Variants in CFAP57 observed in about 807,000 individuals in gnomAD.
The protein encoded by CFAP57 is cilia and flagella associated protein 57.
Under a neutral mutation model 146.8 loss-of-function variants are expected in CFAP57, and 116 were observed. The observed-to-expected ratio is 0.79, with a 90% CI of 0.68 to 0.92. The LOEUF (loss-of-function observed/expected upper bound fraction) is 0.92. Among genes scored for constraint, CFAP57 ranks in the 40% least tolerant of loss-of-function variants. CFAP57 has a pLI of 0.00. For synonymous variants in CFAP57, 518 were observed against 552.8 expected, an observed-to-expected ratio of 0.94 and a Z score of 0.88; for missense variants, 1,377 against 1,527.2, an observed-to-expected ratio of 0.90 and a Z score of 1.64.
At chr1:43,227,709 GC>G (rs1171072500) in intron 18 of CFAP57, among the ~76,000 whole-genome samples, 7 of 152,160 alleles carry the variant, frequency 4.6e-5, no homozygotes, top group South Asian at 4.1e-4. Context: ...GGTCCCCCAT[GC>G]CCCCCACCAC....
chr1:43,181,539 G>A lies in CFAP57; in HGVS notation c.163G>A (p.Glu55Lys). 6.2e-7 allele frequency: 1 copy of A among 1,614,160 alleles called. No individual in the cohort carries two copies. Among genetic ancestry groups the A allele is most frequent in the Non-Finnish European group, 8.5e-7 (1 of 1,180,042 alleles). The change falls in exon 3 of 23, where the codon GAG (glutamate) becomes AAG (lysine). Residue 55 changes from glutamate (E) to lysine (K), a missense_variant. Transcript: ENST00000372492. Reference sequence around the variant, plus strand: ...CCTTTTTCCTCTGTTTGCAGGCTCAGAGAAGAGTCAGGGCATGTTGGCCTT... The same window carrying A: ...CCTTTTTCCTCTGTTTGCAGGCTCAAAGAAGAGTCAGGGCATGTTGGCCTT... ...QKWQKFIPGS[E>K]KSQGMLALSI...
Position 43,221,352 on chromosome 1 carries a change from G to A in CFAP57, c.2248-20G>A, listed in dbSNP as rs1217890571. Reference sequence around the variant, plus strand: ...CTTTCAGCAGATGTGTGTAAATGAGGAAATGTGACTCTGTTTTAGGTCTTA... The same window carrying A: ...CTTTCAGCAGATGTGTGTAAATGAGAAAATGTGACTCTGTTTTAGGTCTTA... On this transcript the variant is annotated intron_variant, in intron 13 of 22. Coordinates refer to ENST00000372492, the MANE Select transcript of CFAP57 (RefSeq NM_001378189.1). 9 of 1,522,126 alleles carry A rather than the reference G, an allele frequency of 5.9e-6. No homozygotes were observed. Among genetic ancestry groups the A allele is most frequent in the Non-Finnish European group, 7.1e-6 (8 of 1,130,424 alleles). The allele number at this position is 1,522,126 out of a possible 1,614,324, so 94.3% of individuals were successfully genotyped here.
At chr1:43,182,921 C>T (rs1645475026) in intron 3 of CFAP57, among the ~76,000 whole-genome samples, 1 of 152,192 alleles carries the variant, frequency 6.6e-6, no homozygotes, top group Non-Finnish European at 1.5e-5. Context: ...TTCGTCTTTA[C>T]AATGGTACAA....
intron 16 of CFAP57, among the ~76,000 whole-genome samples, chr1:43,223,344 T>A (rs1306348685): frequency 2.0e-5 from 3 of 151,934 alleles, no homozygotes; most frequent in Non-Finnish European, 4.4e-5. Flanking sequence ...GGAAATAAGG[T>A]CTTCTGGGGA....
rs1280080050 is a variant in CFAP57, at chr1:43,226,152, G to A, written c.2866-831G>A. ...CGTGCCACTGCGCTCTAGCCTGGGT[G>A]ACAAAGTGAGACCCATCTCAAAAAG... On this transcript the variant is annotated intron_variant, in intron 17 of 22. Transcript: ENST00000372492. Among the ~76,000 whole-genome samples the A allele has an allele frequency of 2.6e-5, 4 of 152,204 alleles. No homozygotes were observed. In the South Asian group the frequency reaches 8.3e-4, roughly 32 times the overall value.
At chr1:43,222,070 C>G in intron 14 of CFAP57, 35 bp from the exon 15 acceptor site, 1 of 1,516,246 alleles carries the variant, frequency 6.6e-7, no homozygotes. Context: ...AAGTGCTGCT[C>G]TCCCACCTTA....
rs72891667 is a variant in CFAP57, at chr1:43,221,499, G to A, written c.2341+34G>A. ...ACAAGTAGAGGCCTCGTTGGTTAGG[G>A]TTGGAAGAGCTAGGTTATGGGGAAA... On this transcript the variant is annotated intron_variant, in intron 14 of 22. Coordinates refer to ENST00000372492, the MANE Select transcript of CFAP57 (RefSeq NM_001378189.1). The A allele has an allele frequency of 4.7e-4, 665 of 1,425,530 alleles. 3 individuals are homozygous for A. In the African/African-American group the frequency reaches 8.6e-3, roughly 19 times the overall value. The allele number at this position is 1,425,530 out of a possible 1,614,324, so 88.3% of individuals were successfully genotyped here. A position where few individuals can be genotyped will look rare whatever the true frequency, so the allele number is the denominator to read the frequency against.
chr1:43,245,643 A>T (rs984441165), intron 22 of CFAP57, among the ~76,000 whole-genome samples: 1 of 152,208 alleles, frequency 6.6e-6, no homozygotes, highest in African/African-American at 2.4e-5. Context: ...TCAGAAGCAG[A>T]TATCTCTGGA....
intron 18 of CFAP57, among the ~76,000 whole-genome samples, chr1:43,227,351 C>T (rs1645286972): frequency 6.6e-6 from 1 of 152,224 alleles, no homozygotes; most frequent in Non-Finnish European, 1.5e-5. Flanking sequence ...TGCCACGGGA[C>T]CTGGAGATGG....
At chr1:43,215,471 A>C in intron 12 of CFAP57, 55 bp downstream of exon 12, 1 of 1,521,856 alleles carries the variant, frequency 6.6e-7, no homozygotes, top group Non-Finnish European at 8.9e-7. Context: ...GACTGCATTC[A>C]GATGCAGGTC....
chr1:43,209,843 G>T lies in CFAP57; in HGVS notation c.1856G>T (p.Arg619Leu). 1 of 1,614,134 alleles carries T rather than the reference G, an allele frequency of 6.2e-7. No individual in the cohort carries two copies. The highest frequency in any genetic ancestry group is 8.5e-7 in the Non-Finnish European group (1 of 1,180,034). The change falls in exon 11 of 23, where the codon CGT (arginine) becomes CTT (leucine). Residue 619 changes from arginine (R) to leucine (L), a missense_variant. By Grantham distance (102) the Arg-to-Leu change is moderately radical. Coordinates refer to ENST00000372492, the MANE Select transcript of CFAP57 (RefSeq NM_001378189.1). ...MFVGTSVGTI[R>L]AMKYPLPLQK... is the part of the protein sequence containing the mutation. ...GTGGGCACCTCGGTGGGAACCATTC[G>T]TGCCATGAAGTACCCTCTGCCTCTG...
chr1:43,172,530 C>A, intron 1 of CFAP57, 77 bp downstream of exon 1: 1 of 1,319,736 alleles, frequency 7.6e-7, no homozygotes, highest in Non-Finnish European at 1.0e-6. Flanking sequence ...GAAAAAGGAG[C>A]CGCGGGGGTG....
intron 9 of CFAP57, 65 bp from the exon 10 acceptor site, chr1:43,206,655 C>A: frequency 6.3e-7 from 1 of 1,579,058 alleles, no homozygotes; most frequent in Non-Finnish European, 8.7e-7. Flanking sequence ...GAGTTTGCAC[C>A]CTTTTCTGTG....
chr1:43,215,563 A>G (rs1336103536), intron 12 of CFAP57, 147 bp downstream of exon 12: 1 of 919,316 alleles, frequency 1.1e-6, no homozygotes, highest in Non-Finnish European at 1.6e-6. Flanking sequence ...TGCTGTCCCC[A>G]CAACCAAGCT....
At chr1:43,252,699 A>T (rs1483402621) in intron 22 of CFAP57, among the ~76,000 whole-genome samples, 1 of 152,224 alleles carries the variant, frequency 6.6e-6, no homozygotes, top group Non-Finnish European at 1.5e-5. Flanking sequence ...AGAAAATTTC[A>T]TGTCTGAAAA....
chr1:43,210,372 C>A (rs986258544), intron 11 of CFAP57: 24 of 1,293,246 alleles, frequency 1.9e-5, no homozygotes, highest in Non-Finnish European at 2.3e-5. Flanking sequence ...TTCCATTCAC[C>A]CTTCTCATAA....
At chr1:43,233,720 T>A (rs527426024) in intron 19 of CFAP57, among the ~76,000 whole-genome samples, 111 of 152,206 alleles carry the variant, frequency 7.3e-4, no homozygotes, top group African/African-American at 2.5e-3. Context: ...GAAATGACTT[T>A]CTCTAGGTCA....
At position 43,206,921 on chromosome 1, in the gene CFAP57, G is replaced by A; in HGVS notation, c.1744G>A (p.Ala582Thr). Residue 582 changes from alanine to threonine, a missense_variant, in exon 10 of 23, where the codon GCA (alanine) becomes ACA (threonine). Coordinates refer to ENST00000372492, the MANE Select transcript of CFAP57 (RefSeq NM_001378189.1). ...ATCAGACCACACCCTCAAGGAGATTGCAGATTCCTTGGTGAGTCTGCCCCT... is the reference window on the plus strand; with the variant it reads ...ATCAGACCACACCCTCAAGGAGATTACAGATTCCTTGGTGAGTCTGCCCCT... ...VGSDHTLKEI[A>T]DSLILREISA... 6.2e-7 allele frequency: 1 copy of A among 1,613,620 alleles called. No individual in the cohort carries two copies. The highest frequency in any genetic ancestry group is 2.2e-5 in the East Asian group (1 of 44,856).
At chr1:43,179,574 T>C (rs1271755244) in intron 2 of CFAP57, among the ~76,000 whole-genome samples, 1 of 152,214 alleles carries the variant, frequency 6.6e-6, no homozygotes, top group Admixed American at 6.5e-5. Context: ...GGTAGGAACC[T>C]GGCACAAAAG....
Sources: gnomAD v4.1 joint callset for allele counts (sites outside exome capture counted in the v4.1 genomes callset) on GRCh38, gnomAD v4.1.1 for gene constraint, MANE v1.5 for transcripts, NCBI Gene and HGNC (gene_info 2026-07-23, HGNC 2026-07-21) for gene names.